CDC42SE2: variants seen among roughly 807,000 people sequenced by gnomAD.
The protein encoded by CDC42SE2 is CDC42 small effector 2.
A neutral mutation model predicts 11.5 loss-of-function variants in CDC42SE2; 3 were observed. The observed-to-expected ratio is 0.26, with a 90% CI of 0.12 to 0.67. CDC42SE2 has a LOEUF of 0.67. Ranked by LOEUF, CDC42SE2 falls within the 30% of genes least tolerant of loss-of-function variation. The pLI is 0.80. For synonymous variants in CDC42SE2, 33 were observed against 34.8 expected (o/e 0.95, Z 0.18); for missense variants, 82 against 106.8 (o/e 0.77, Z 1.02).
At chr5:131,313,731 A>C (rs190072466) in intron 1 of CDC42SE2, among the ~76,000 whole-genome samples, 1 of 152,328 alleles carries the variant, frequency 6.6e-6, no homozygotes, top group Admixed American at 6.5e-5. Context: ...TAAACCTTGA[A>C]TTCTGGTTGT....
the CDC42SE2 span, among the ~76,000 whole-genome samples, chr5:131,225,452 G>A: frequency 1.3e-5 from 2 of 152,168 alleles, no homozygotes; most frequent in East Asian, 1.9e-4. Context: ...CAAACACAGA[G>A]GCTAATCCTG....
intron 2 of CDC42SE2, among the ~76,000 whole-genome samples, chr5:131,353,760 T>C (rs1439881049): frequency 2.0e-5 from 3 of 151,626 alleles, no homozygotes; most frequent in Middle Eastern, 3.4e-3. Context: ...AATACAAAAA[T>C]TAGCTGGGCG....
the CDC42SE2 span, among the ~76,000 whole-genome samples, chr5:131,213,633 TAGAGAC>T: frequency 4.7e-4 from 71 of 152,134 alleles, 2 homozygotes; most frequent in South Asian, 0.015. Flanking sequence ...TTTAGTTTTG[TAGAGAC>T]AGGGTCTCAC....
chr5:131,343,263 A>C (rs1015693394), intron 2 of CDC42SE2, among the ~76,000 whole-genome samples: 4 of 152,174 alleles, frequency 2.6e-5, no homozygotes, highest in African/African-American at 9.7e-5. Flanking sequence ...TAGCAGGTGG[A>C]TATAAATGTC....
chr5:131,359,636 A>T (rs1749651772), intron 3 of CDC42SE2, 89 bp downstream of exon 3: 2 of 913,592 alleles, frequency 2.2e-6, no homozygotes, highest in Admixed American at 3.4e-5. Flanking sequence ...CCTAGCAGTA[A>T]TTGCAAAGCA....
chr5:131,226,478 A>C, the CDC42SE2 span, among the ~76,000 whole-genome samples: 2 of 152,366 alleles, frequency 1.3e-5, no homozygotes, highest in Non-Finnish European at 2.9e-5. Context: ...AGTTTATGTC[A>C]TAAATCTCCC....
intron 3 of CDC42SE2, among the ~76,000 whole-genome samples, chr5:131,361,122 TA>T (rs1192355252): frequency 6.6e-6 from 1 of 151,576 alleles, no homozygotes; most frequent in Non-Finnish European, 1.5e-5. Flanking sequence ...TTTATTTATT[TA>T]TTTTTTTGAG....
chr5:131,219,777 A>G, the CDC42SE2 span, among the ~76,000 whole-genome samples: 1 of 152,138 alleles, frequency 6.6e-6, no homozygotes, highest in Admixed American at 6.5e-5. Flanking sequence ...TCTTTACTAC[A>G]AATTTAAAAA....
At chr5:131,368,169 C>T (rs1419949635) in intron 3 of CDC42SE2, among the ~76,000 whole-genome samples, 2 of 147,466 alleles carry the variant, frequency 1.4e-5, no homozygotes, top group African/African-American at 5.0e-5. Flanking sequence ...AGGAGAATGG[C>T]GTGAACCTGG....
At chr5:131,262,335 G>T (rs1355242043), upstream of CDC42SE2, among the ~76,000 whole-genome samples, 1 of 151,864 alleles carries the variant, frequency 6.6e-6, no homozygotes, top group African/African-American at 2.4e-5. Flanking sequence ...ACAGTAACTG[G>T]AAAATCAAAA....
intron 2 of CDC42SE2, among the ~76,000 whole-genome samples, chr5:131,345,793 C>G (rs1248054409): frequency 6.6e-6 from 1 of 152,182 alleles, no homozygotes; most frequent in East Asian, 1.9e-4. Flanking sequence ...AGACTAACAG[C>G]AGATCTCTTG....
chr5:131,250,777 T>C (rs1756632889), intron 1 of CDC42SE2, among the ~76,000 whole-genome samples: 1 of 152,202 alleles, frequency 6.6e-6, no homozygotes, highest in South Asian at 2.1e-4. Context: ...GTGGTGGCTC[T>C]ATCTGTAATC....
chr5:131,349,875 G>A (rs575931324), intron 2 of CDC42SE2, among the ~76,000 whole-genome samples: 2 of 152,230 alleles, frequency 1.3e-5, no homozygotes, highest in South Asian at 2.1e-4. Flanking sequence ...ATTCTAGGAA[G>A]GTAGGGTTAA....
Position 131,359,255 on chromosome 5 carries a change from C to T in CDC42SE2, c.-239C>T, listed in dbSNP as rs1237545330. ...GTCAAGACAACAATTTTTATACCTTCGTCGTGGTTCAGAAAGGAGTCTCTG... is the reference window on the plus strand; with the variant it reads ...GTCAAGACAACAATTTTTATACCTTTGTCGTGGTTCAGAAAGGAGTCTCTG... On this transcript the variant is annotated 5_prime_UTR_variant, in exon 3 of 5. Transcript: ENST00000505065. 31 of 542,402 alleles carry T rather than the reference C, an allele frequency of 5.7e-5. No homozygotes were observed. In the East Asian group the frequency reaches 5.9e-4, roughly 10 times the overall value. The allele number at this position is 542,402 out of a possible 1,614,324, so 33.6% of individuals were successfully genotyped here.
chr5:131,315,378 G>A (rs551897048), intron 1 of CDC42SE2, among the ~76,000 whole-genome samples: 1 of 152,266 alleles, frequency 6.6e-6, no homozygotes, highest in African/African-American at 2.4e-5. Context: ...GCTTGGCTGT[G>A]ACAATACTAA....
At chr5:131,279,375 G>C (rs918297101) in intron 1 of CDC42SE2, among the ~76,000 whole-genome samples, 1 of 151,752 alleles carries the variant, frequency 6.6e-6, no homozygotes, top group Non-Finnish European at 1.5e-5. Flanking sequence ...TGCTAAATAA[G>C]ATTATTGAAA....
At chr5:131,216,745 A>G in the CDC42SE2 span, among the ~76,000 whole-genome samples, 1 of 152,134 alleles carries the variant, frequency 6.6e-6, no homozygotes, top group Non-Finnish European at 1.5e-5. Flanking sequence ...CAAGCTGCCA[A>G]TAAAATGACC....
the CDC42SE2 span, among the ~76,000 whole-genome samples, chr5:131,214,048 A>G: frequency 6.6e-6 from 1 of 152,236 alleles, no homozygotes; most frequent in African/African-American, 2.4e-5. Context: ...GGCAATTGCA[A>G]TGAAACTAGT....
intron 1 of CDC42SE2, among the ~76,000 whole-genome samples, chr5:131,287,654 T>G (rs1757369591): frequency 6.6e-6 from 1 of 151,616 alleles, no homozygotes; most frequent in Non-Finnish European, 1.5e-5. Context: ...TGCATTTTTT[T>G]GTAGAGATGG....
Sources: gnomAD v4.1 joint callset for allele counts (sites outside exome capture counted in the v4.1 genomes callset) on GRCh38, gnomAD v4.1.1 for gene constraint, MANE v1.5 for transcripts, NCBI Gene and HGNC (gene_info 2026-07-23, HGNC 2026-07-21) for gene names.